Variants in SCUBE1 observed in about 807,000 individuals in gnomAD.
The protein encoded by SCUBE1 is signal peptide, CUB domain and EGF like domain containing 1.
SCUBE1 carries 59 observed loss-of-function variants against 124.4 expected under a neutral mutation model. The observed-to-expected ratio is 0.47, with a 90% CI of 0.38 to 0.59. The LOEUF (loss-of-function observed/expected upper bound fraction) is 0.59. Among genes scored for constraint, SCUBE1 ranks in the 20% least tolerant of loss-of-function variants. SCUBE1 has a pLI of 0.00. For synonymous variants in SCUBE1, 545 were observed against 550.9 expected (o/e 0.99, Z 0.15); for missense variants, 1,150 against 1,371.2 (o/e 0.84, Z 2.55).
Position 43,255,444 on chromosome 22 carries a change from A to T in SCUBE1, c.727+2775T>A. 7 of 1,495,716 alleles carry T rather than the reference A, an allele frequency of 4.7e-6. No individual in the cohort carries two copies. The highest frequency in any genetic ancestry group is 6.4e-6 in the Non-Finnish European group (7 of 1,097,124). 92.7% of individuals were successfully genotyped at this position (1,495,716 alleles called of 1,614,324 possible). ...CCGAGACACACATGTGCACACACACACACAAGTGCAAGTACGACAAAGGAA... is the reference window on the plus strand; with the variant it reads ...CCGAGACACACATGTGCACACACACTCACAAGTGCAAGTACGACAAAGGAA... On this transcript the variant is annotated intron_variant, in intron 6 of 21. Transcript: ENST00000360835. This position sits in a 1 kb window ranked among gnomAD's most constrained non-coding sequence, Gnocchi z 4.7.
At position 43,227,515 on chromosome 22, in the gene SCUBE1, T is replaced by A; in HGVS notation, c.1085-19A>T. On this transcript the variant is annotated intron_variant, in intron 9 of 21. Transcript: ENST00000360835. The stretch of plus-strand genomic sequence containing the variant: ...TCCACATCTGGAAGCACAGCGGGCG[T>A]AAGGGCAGAGGGGAGGCTGGCGGCT... 6.2e-7 allele frequency: 1 copy of A among 1,608,518 alleles called. No homozygotes were observed. Among genetic ancestry groups the A allele is most frequent in the Non-Finnish European group, 8.5e-7 (1 of 1,178,458 alleles).
intron 19 of SCUBE1, 132 bp downstream of exon 19, chr22:43,209,911 G>T: frequency 2.1e-6 from 2 of 931,796 alleles, no homozygotes; most frequent in South Asian, 1.8e-5. Context: ...GACTCTGAGG[G>T]GCTGGTCCTC....
rs370461758 is a variant in SCUBE1, at chr22:43,308,159, T to C, written c.349+11778A>G. On this transcript the variant is annotated intron_variant, in intron 3 of 21. Transcript: ENST00000360835. ...AAAGAAGGAAGCGAGTCTATAAAGA[T>C]GTACAACACTGTCCAGGGAGTCTCT... is the stretch of plus-strand genomic sequence containing the variant. Among the ~76,000 whole-genome samples, 20 of 152,346 alleles carry C rather than the reference T, an allele frequency of 1.3e-4. No homozygotes were observed. In the South Asian group the frequency reaches 3.5e-3, roughly 27 times the overall value.
chr22:43,223,237 G>A (rs1222642511), intron 10 of SCUBE1, 21 bp from the exon 11 acceptor site: 1 of 1,557,908 alleles, frequency 6.4e-7, no homozygotes, highest in Non-Finnish European at 8.6e-7. Flanking sequence ...AGATACGAGA[G>A]AGGGCTGAGA....
At chr22:43,243,378 G>A (rs968788330) in intron 6 of SCUBE1, among the ~76,000 whole-genome samples, 1 of 152,232 alleles carries the variant, frequency 6.6e-6, no homozygotes, top group African/African-American at 2.4e-5. Flanking sequence ...AGCATGTGGG[G>A]AAAATCTCAG....
In SCUBE1 at chr22:43,250,599, C is replaced by T. The variant is rs139305578; in HGVS notation, c.727+7620G>A. 2.6e-3 allele frequency among the ~76,000 whole-genome samples: 403 copies of T among 152,248 alleles called. 2 individuals are homozygous for T. The highest frequency in any genetic ancestry group is 9.1e-3 in the African/African-American group (380 of 41,550). ...CCAGGCAGGAGCAGCCTCAGGGGTG[C>T]GGGGAGAGGAGTTCCCAGCTGCCTT... On this transcript the variant is annotated intron_variant, in intron 6 of 21. Transcript: ENST00000360835.
chr22:43,231,521 G>A (rs916773090), intron 8 of SCUBE1, among the ~76,000 whole-genome samples: 2 of 151,786 alleles, frequency 1.3e-5, no homozygotes, highest in Admixed American at 6.5e-5. Context: ...CTGGGCCACC[G>A]GCTCCCTCTG....
At chr22:43,292,601 C>A (rs1308661823) in intron 3 of SCUBE1, among the ~76,000 whole-genome samples, 1 of 70,018 alleles carries the variant, frequency 1.4e-5, no homozygotes, top group Non-Finnish European at 2.9e-5. Flanking sequence ...ACACACTCTT[C>A]GGTGTTGAGC....
intron 2 of SCUBE1, among the ~76,000 whole-genome samples, chr22:43,335,769 A>T (rs564441404): frequency 6.7e-6 from 1 of 149,920 alleles, no homozygotes; most frequent in Non-Finnish European, 1.5e-5. Flanking sequence ...GATGATGGTG[A>T]TGATGATGGT....
chr22:43,326,834 C>T (rs947065999), intron 2 of SCUBE1, among the ~76,000 whole-genome samples: 1 of 152,052 alleles, frequency 6.6e-6, no homozygotes, highest in Non-Finnish European at 1.5e-5. Context: ...CTGCCTGGAG[C>T]TCCTTCCCCT....
chr22:43,207,659 G>A (rs72619549), intron 20 of SCUBE1, 46 bp from the exon 21 acceptor site: 50,622 of 1,443,042 alleles, frequency 0.035, 1,156 homozygotes, highest in Admixed American at 0.075. Flanking sequence ...GGGGCTTGAG[G>A]CCCACGTGCT....
intron 4 of SCUBE1, among the ~76,000 whole-genome samples, chr22:43,277,381 G>T (rs1445732237): frequency 6.6e-6 from 1 of 151,422 alleles, no homozygotes; most frequent in East Asian, 2.0e-4. Flanking sequence ...GAAGGCTTGC[G>T]GGGCAGGGAG....
chr22:43,232,120 A>G (rs2146679597), intron 7 of SCUBE1: 1 of 527,572 alleles, frequency 1.9e-6, no homozygotes, highest in African/African-American at 1.9e-5. Context: ...TTCCCCTGAG[A>G]CTTGGCAAGC....
intron 3 of SCUBE1, among the ~76,000 whole-genome samples, chr22:43,292,271 T>C (rs1485380067): frequency 1.3e-5 from 2 of 151,964 alleles, no homozygotes; most frequent in African/African-American, 4.8e-5. Flanking sequence ...TTTCCCACTC[T>C]CGGGGAGAGG....
chr22:43,275,298 C>T (rs891805106), intron 4 of SCUBE1, among the ~76,000 whole-genome samples: 3 of 152,258 alleles, frequency 2.0e-5, no homozygotes, highest in Admixed American at 6.5e-5. Flanking sequence ...CAGCAAACCA[C>T]GACGCGCTGG....
chr22:43,271,985 G>A (rs1319293992), intron 4 of SCUBE1, among the ~76,000 whole-genome samples: 1 of 152,132 alleles, frequency 6.6e-6, no homozygotes, highest in Admixed American at 6.5e-5. Context: ...CTTGTGTGAG[G>A]GAGTAGGGAG....
intron 1 of SCUBE1, among the ~76,000 whole-genome samples, chr22:43,340,753 A>G (rs1476165778): frequency 6.6e-6 from 1 of 152,156 alleles, no homozygotes; most frequent in East Asian, 1.9e-4. Flanking sequence ...CAATGCATGA[A>G]ATGTAGACAT....
chr22:43,336,474 A>T (rs1021106541), intron 2 of SCUBE1, among the ~76,000 whole-genome samples: 7 of 152,218 alleles, frequency 4.6e-5, no homozygotes, highest in African/African-American at 1.7e-4. Flanking sequence ...CGCTAGTGCC[A>T]GGCCCTGCCC....
At chr22:43,318,456 T>A (rs993218856) in intron 3 of SCUBE1, 1 of 152,240 alleles carries the variant, frequency 6.6e-6, no homozygotes, top group African/African-American at 2.4e-5. Flanking sequence ...AGGTTAAGGC[T>A]GCACTGAGCC....
Sources: gnomAD v4.1 joint callset for allele counts (sites outside exome capture counted in the v4.1 genomes callset) on GRCh38, gnomAD v4.1.1 for gene constraint, Gnocchi (gnomAD v3.1) non-coding constraint, MANE v1.5 for transcripts, NCBI Gene and HGNC (gene_info 2026-07-23, HGNC 2026-07-21) for gene names.